GLG1: variants seen among roughly 807,000 people sequenced by gnomAD.
GLG1 encodes Golgi apparatus protein 1.
In GLG1, 38 loss-of-function variants were observed where a neutral mutation model predicts 160.5. The ratio of observed to expected loss-of-function variants is 0.24; its 90% CI spans 0.18 to 0.31. The LOEUF (loss-of-function observed/expected upper bound fraction) is 0.31. GLG1 is among the 10% of genes least tolerant of loss of function. The pLI, the probability that GLG1 is intolerant of heterozygous loss-of-function variation, is 1.00. For synonymous variants in GLG1, 644 were observed against 543.4 expected, an observed-to-expected ratio of 1.19 and a Z score of -2.57; for missense variants, 1,373 against 1,505.2, an observed-to-expected ratio of 0.91 and a Z score of 1.45.
intron 4 of GLG1, among the ~76,000 whole-genome samples, chr16:74,501,261 G>T (rs1346045915): frequency 2.0e-5 from 3 of 152,162 alleles, no homozygotes; most frequent in Non-Finnish European, 2.9e-5. Context: ...GAAGGAAGGT[G>T]TTTTTTCAGA....
chr16:74,513,781 A>T (rs2016887615), intron 2 of GLG1, among the ~76,000 whole-genome samples: 2 of 152,186 alleles, frequency 1.3e-5, no homozygotes, highest in South Asian at 4.1e-4. Flanking sequence ...AACTGGAAGG[A>T]GAACGAATTT....
At chr16:74,458,171 GTAAC>G (rs2014636709) in intron 23 of GLG1, 177 bp from the exon 24 acceptor site, 1 of 530,092 alleles carries the variant, frequency 1.9e-6, no homozygotes, top group East Asian at 2.8e-5. Flanking sequence ...ATTTAATTGA[GTAAC>G]TAACTACTTT....
At chr16:74,602,825 T>C (rs1247710897) in intron 1 of GLG1, among the ~76,000 whole-genome samples, 1 of 150,142 alleles carries the variant, frequency 6.7e-6, no homozygotes, top group African/African-American at 2.5e-5. Flanking sequence ...CTGGGTGATG[T>C]ATACCCAGGG....
At chr16:74,492,365 C>CA (rs557279333) in intron 7 of GLG1, among the ~76,000 whole-genome samples, 2,765 of 98,878 alleles carry the variant, frequency 0.028, 28 homozygotes, top group African/African-American at 0.04. Flanking sequence ...GACTCTGTCT[C>CA]AAAAAAAAAA....
At chr16:74,549,230 C>G (rs1032113262) in intron 1 of GLG1, among the ~76,000 whole-genome samples, 8 of 151,898 alleles carry the variant, frequency 5.3e-5, no homozygotes, top group African/African-American at 1.4e-4. Context: ...CTTTCTATCT[C>G]TCTAGTAAAG....
At chr16:74,458,316 T>C (rs1567454505) in intron 23 of GLG1, 1 of 206,878 alleles carries the variant, frequency 4.8e-6, no homozygotes, top group African/African-American at 2.3e-5. Context: ...ATATTTTTAT[T>C]GGTGTGATAC....
intron 20 of GLG1, 184 bp from the exon 21 acceptor site, chr16:74,462,814 A>G (rs1439981698): frequency 1.6e-6 from 1 of 617,746 alleles, no homozygotes; most frequent in Non-Finnish European, 2.8e-6. Context: ...ATGACTTGTT[A>G]ACGAGTACTT....
chr16:74,504,285 C>T (rs570831893), intron 3 of GLG1, among the ~76,000 whole-genome samples: 1 of 152,162 alleles, frequency 6.6e-6, no homozygotes, highest in East Asian at 1.9e-4. Context: ...CTTGACATGA[C>T]ATTATTATTA....
chr16:74,476,173 C>A (rs1028235391), intron 12 of GLG1, among the ~76,000 whole-genome samples: 3 of 151,660 alleles, frequency 2.0e-5, no homozygotes, highest in Non-Finnish European at 4.4e-5. Context: ...CAAAGTGAAA[C>A]TGTCTCAAAA....
chr16:74,527,401 C>A (rs1185779480), intron 2 of GLG1, among the ~76,000 whole-genome samples: 2 of 151,706 alleles, frequency 1.3e-5, no homozygotes, highest in East Asian at 3.9e-4. Context: ...TGGTGTGCAC[C>A]ACCACACCCA....
chr16:74,495,698 T>A (rs2016160014), intron 5 of GLG1, among the ~76,000 whole-genome samples: 1 of 152,172 alleles, frequency 6.6e-6, no homozygotes, highest in Admixed American at 6.5e-5. Context: ...GCGTCAAAGT[T>A]TTAGCCATTG....
At chr16:74,476,451 C>T (rs2015393089) in intron 12 of GLG1, among the ~76,000 whole-genome samples, 1 of 152,150 alleles carries the variant, frequency 6.6e-6, no homozygotes, top group South Asian at 2.1e-4. Context: ...AGTAGGCAAC[C>T]ATGTTTCTCC....
At chr16:74,484,820 T>C (rs975091178) in intron 9 of GLG1, among the ~76,000 whole-genome samples, 2 of 152,078 alleles carry the variant, frequency 1.3e-5, no homozygotes, top group African/African-American at 2.4e-5. Context: ...TTCTCCATGT[T>C]GGTTAGAGGC....
chr16:74,607,087 G>C lies in GLG1; in HGVS notation c.8C>G (p.Ala3Gly), dbSNP rs752535549. The change falls in exon 1 of 26, where the codon GCG becomes GGG. Residue 3 changes from alanine to glycine, a missense_variant. Coordinates refer to ENST00000422840, the MANE Select transcript of GLG1 (RefSeq NM_001145667.2). MA[A>G]CGRVRRMFRL... is the part of the protein sequence containing the mutation. ...GAACATCCTCCGTACACGTCCACAC[G>C]CCGCCATCTTGAGTCCGCGGCGAGC... The C allele has an allele frequency of 6.5e-7, 1 of 1,545,344 alleles. No individual in the cohort carries two copies. The highest frequency in any genetic ancestry group is 2.4e-5 in the East Asian group (1 of 41,862).
chr16:74,451,683 T>C lies in GLG1; in HGVS notation c.*1484A>G, dbSNP rs1338447640. 2.1e-5 allele frequency: 5 copies of C among 241,334 alleles called. No homozygotes were observed. The highest frequency in any genetic ancestry group is 4.1e-5 in the Non-Finnish European group (5 of 120,518). The allele number at this position is 241,334 out of a possible 1,614,324, so 14.9% of individuals were successfully genotyped here. A position where few individuals can be genotyped will look rare whatever the true frequency, so the allele number is the denominator to read the frequency against. On this transcript the variant is annotated 3_prime_UTR_variant, in exon 26 of 26. Coordinates refer to ENST00000422840, the MANE Select transcript of GLG1 (RefSeq NM_001145667.2). ...ATATATATTACATAAATGTCTCTCC[T>C]ACTGTACACACTGCTCTCTTGTGCA...
chr16:74,504,801 A>G (rs553880894), intron 3 of GLG1, among the ~76,000 whole-genome samples: 1 of 152,356 alleles, frequency 6.6e-6, no homozygotes, highest in South Asian at 2.1e-4. Context: ...GATCAGGCAC[A>G]GAGTGATTCT....
At chr16:74,469,265 T>A in intron 16 of GLG1, 1 of 589,112 alleles carries the variant, frequency 1.7e-6, no homozygotes, top group Middle Eastern at 4.5e-4. Flanking sequence ...GGCAGCAGCA[T>A]GAATGCTGAC....
At chr16:74,567,723 C>T (rs1400908839) in intron 1 of GLG1, among the ~76,000 whole-genome samples, 2 of 151,230 alleles carry the variant, frequency 1.3e-5, no homozygotes, top group Non-Finnish European at 3.0e-5. Context: ...CGCCCGCCAC[C>T]GCGCCCGGCT....
At chr16:74,512,544 G>T (rs925843374) in intron 2 of GLG1, among the ~76,000 whole-genome samples, 1 of 152,044 alleles carries the variant, frequency 6.6e-6, no homozygotes, top group Non-Finnish European at 1.5e-5. Context: ...AATTACAGAC[G>T]TGAGTCATCG....
Sources: allele counts gnomAD v4.1 joint callset (sites outside exome capture counted in the v4.1 genomes callset), GRCh38; gene constraint gnomAD v4.1.1; transcripts MANE v1.5; gene names NCBI Gene and HGNC (gene_info 2026-07-23, HGNC 2026-07-21).